The following EPHA3 variants were observed in gnomAD, a reference collection of about 807,000 sequenced individuals.
EPHA3 encodes the protein ephrin type-A receptor 3.
Under a neutral mutation model 107.1 loss-of-function variants are expected in EPHA3, and 42 were observed. The ratio of observed to expected loss-of-function variants is 0.39; its 90% confidence interval spans 0.31 to 0.51. EPHA3 has a LOEUF of 0.51. Ranked by LOEUF, EPHA3 falls within the 20% of genes least tolerant of loss-of-function variation. EPHA3 has a pLI of 0.78. For missense variants in EPHA3, 1,183 were observed against 1,211.2 expected (o/e 0.98, Z 0.35); for synonymous variants, 461 against 424.8 (o/e 1.09, Z -1.05).
chr3:89,325,876 TA>T (rs1707153879), intron 3 of EPHA3, among the ~76,000 whole-genome samples: 1 of 151,490 alleles, frequency 6.6e-6, no homozygotes, highest in Non-Finnish European at 1.5e-5. Context: ...TATTTTCCTT[TA>T]TTTTTGTGAT....
intron 2 of EPHA3, among the ~76,000 whole-genome samples, chr3:89,151,537 C>G (rs1054242992): frequency 2.0e-5 from 3 of 152,042 alleles, no homozygotes; most frequent in Admixed American, 1.3e-4. Flanking sequence ...TAGTGAGGAG[C>G]AGGAAGAGGC....
In EPHA3 at chr3:89,122,196, T is replaced by C. The variant is rs548659675; in HGVS notation, c.89-5013T>C. Among the ~76,000 whole-genome samples, 4 of 152,326 alleles carry C rather than the reference T, an allele frequency of 2.6e-5. No homozygotes were observed. The East Asian group carries it at 5.8e-4, about 22-fold the overall frequency. Reference sequence around the variant, plus strand: ...AAGTGGTGAAAATCATAAAGATAAGTATTTGTGAAATGAGGCTGGGACAAT... The same window carrying C: ...AAGTGGTGAAAATCATAAAGATAAGCATTTGTGAAATGAGGCTGGGACAAT... On this transcript the variant is annotated intron_variant, in intron 1 of 16. Coordinates refer to ENST00000336596, the MANE Select transcript of EPHA3 (RefSeq NM_005233.6).
At chr3:89,399,207 A>G (rs1031060502) in intron 6 of EPHA3, 111 bp from the exon 7 acceptor site, 5 of 1,003,344 alleles carry the variant, frequency 5.0e-6, no homozygotes, top group African/African-American at 3.2e-5. Context: ...AATCCATCCT[A>G]TGATTTGTGT....
At chr3:89,157,294 G>T (rs1398758265) in intron 2 of EPHA3, among the ~76,000 whole-genome samples, 1 of 151,976 alleles carries the variant, frequency 6.6e-6, no homozygotes, top group East Asian at 1.9e-4. Flanking sequence ...TCAATTGCCA[G>T]ATATTCCTTA....
At chr3:89,431,792 A>C (rs1002165903) in intron 13 of EPHA3, among the ~76,000 whole-genome samples, 3 of 152,110 alleles carry the variant, frequency 2.0e-5, no homozygotes, top group African/African-American at 7.2e-5. Context: ...GTCAAAACAG[A>C]CCTATAAAGA....
chr3:89,455,347 TA>T (rs1031440841), intron 15 of EPHA3, among the ~76,000 whole-genome samples: 10 of 152,090 alleles, frequency 6.6e-5, no homozygotes, highest in Non-Finnish European at 1.5e-4. Flanking sequence ...GGCACAGGAT[TA>T]AAAAATGCAA....
intron 3 of EPHA3, among the ~76,000 whole-genome samples, chr3:89,298,965 T>G (rs1314438780): frequency 6.6e-6 from 1 of 152,110 alleles, no homozygotes; most frequent in African/African-American, 2.4e-5. Context: ...TGGAATATTT[T>G]CATAAAGTCC....
At chr3:89,312,493 G>GT (rs905653447) in intron 3 of EPHA3, among the ~76,000 whole-genome samples, 6 of 150,492 alleles carry the variant, frequency 4.0e-5, no homozygotes, top group South Asian at 2.1e-4. Flanking sequence ...TTTTGCCTCA[G>GT]TTTTTTCCGT....
At chr3:89,387,773 A>T (rs894395074) in intron 5 of EPHA3, among the ~76,000 whole-genome samples, 1 of 152,166 alleles carries the variant, frequency 6.6e-6, no homozygotes, top group African/African-American at 2.4e-5. Context: ...GAATTTATGC[A>T]ATAAATGACT....
intron 3 of EPHA3, among the ~76,000 whole-genome samples, chr3:89,218,828 C>A (rs1363367510): frequency 6.6e-6 from 1 of 152,132 alleles, no homozygotes; most frequent in Non-Finnish European, 1.5e-5. Flanking sequence ...AGTCAGGAAA[C>A]AACAGGTGCT....
chr3:89,130,176 C>T (rs1369287937), intron 2 of EPHA3, among the ~76,000 whole-genome samples: 1 of 151,942 alleles, frequency 6.6e-6, no homozygotes, highest in Non-Finnish European at 1.5e-5. Flanking sequence ...AGAGGTACTG[C>T]TAAATATCTT....
At chr3:89,146,768 A>G (rs1704567973) in intron 2 of EPHA3, among the ~76,000 whole-genome samples, 1 of 151,684 alleles carries the variant, frequency 6.6e-6, no homozygotes, top group South Asian at 2.1e-4. Context: ...GGGTTTTTAT[A>G]GTTTTAGGTT....
intron 2 of EPHA3, among the ~76,000 whole-genome samples, chr3:89,136,416 A>G (rs1704317463): frequency 7.3e-6 from 1 of 136,418 alleles, no homozygotes; most frequent in South Asian, 2.3e-4. Flanking sequence ...GACAGGTGCT[A>G]GAAATCAGAT....
intron 3 of EPHA3, among the ~76,000 whole-genome samples, chr3:89,312,787 C>T (rs1706795707): frequency 6.6e-6 from 1 of 151,936 alleles, no homozygotes; most frequent in South Asian, 2.1e-4. Context: ...ACCATGTGTC[C>T]ATACCTTCTC....
intron 7 of EPHA3, among the ~76,000 whole-genome samples, chr3:89,404,432 A>G (rs1709017725): frequency 6.6e-6 from 1 of 152,224 alleles, no homozygotes; most frequent in Non-Finnish European, 1.5e-5. Context: ...AGGAGTTCTG[A>G]CTCAAAAGAA....
At chr3:89,151,406 T>C (rs952087957) in intron 2 of EPHA3, among the ~76,000 whole-genome samples, 2 of 151,990 alleles carry the variant, frequency 1.3e-5, no homozygotes, top group Non-Finnish European at 2.9e-5. Context: ...GGGACATAAG[T>C]AGGGGTGTGG....
At chr3:89,157,339 A>G (rs79354175) in intron 2 of EPHA3, among the ~76,000 whole-genome samples, 2,789 of 152,142 alleles carry the variant, frequency 0.018, 85 homozygotes, top group African/African-American at 0.062. Flanking sequence ...GGATCGCCAA[A>G]TTTAAACAAA....
At chr3:89,167,591 G>A (rs1194036595) in intron 2 of EPHA3, among the ~76,000 whole-genome samples, 1 of 152,056 alleles carries the variant, frequency 6.6e-6, no homozygotes, top group East Asian at 1.9e-4. Context: ...TGACATCTGT[G>A]AATTTAAGGT....
chr3:89,232,274 T>C (rs532317687), intron 3 of EPHA3, among the ~76,000 whole-genome samples: 1 of 152,198 alleles, frequency 6.6e-6, no homozygotes, highest in Non-Finnish European at 1.5e-5. Flanking sequence ...AAATTGGTGG[T>C]TGGGCAAGGA....
Sources: gnomAD v4.1 joint callset for allele counts (sites outside exome capture counted in the v4.1 genomes callset) on GRCh38, gnomAD v4.1.1 for gene constraint, MANE v1.5 for transcripts, NCBI Gene and HGNC (gene_info 2026-07-23, HGNC 2026-07-21) for gene names.